Variants in SMAP2 observed in about 807,000 individuals in gnomAD.
The protein encoded by SMAP2 is stromal membrane-associated protein 2.
SMAP2 carries 25 observed loss-of-function variants against 56.4 expected under a neutral mutation model. The observed-to-expected ratio is 0.44, with a 90% CI of 0.32 to 0.62. The LOEUF (loss-of-function observed/expected upper bound fraction) is 0.62. Among genes scored for constraint, SMAP2 ranks in the 20% least tolerant of loss-of-function variants. The pLI is 0.04. For synonymous variants in SMAP2, 157 were observed against 181.7 expected, an observed-to-expected ratio of 0.86 and a Z score of 1.09; for missense variants, 388 against 545.6, an observed-to-expected ratio of 0.71 and a Z score of 2.88.
At chr1:40,351,176 T>C (rs559069720) in intron 1 of SMAP2, among the ~76,000 whole-genome samples, 2 of 152,304 alleles carry the variant, frequency 1.3e-5, no homozygotes, top group South Asian at 2.1e-4. Flanking sequence ...TTCACAGATG[T>C]CCTACTCCCT....
chr1:40,374,132 G>C lies in SMAP2; in HGVS notation c.12G>C (p.Lys4Asn). 6.2e-7 allele frequency: 1 copy of C among 1,613,088 alleles called. No homozygotes were observed. Among genetic ancestry groups the C allele is most frequent in the Non-Finnish European group, 8.5e-7 (1 of 1,179,568 alleles). ...CCGGCACCCTGGCCATGACAGGCAA[G>C]TCGGTGAAGGACGTGGATCGGTACC... MTGKSVKDVDRYQA... is the reference protein window; with the variant it reads MTGNSVKDVDRYQA... Residue 4 changes from lysine (K) to asparagine (N), a missense_variant, in exon 1 of 10, where the codon AAG becomes AAC. Physicochemically the swap from Lys to Asn is moderately conservative, Grantham distance 94 (BLOSUM62 0). Coordinates refer to ENST00000372718, the MANE Select transcript of SMAP2 (RefSeq NM_022733.3). The surrounding 1 kb of genome is among the most constrained non-coding windows in gnomAD (Gnocchi z 5.9).
At chr1:40,393,299 A>G in intron 1 of SMAP2, 2 of 1,506,976 alleles carry the variant, frequency 1.3e-6, no homozygotes, top group Admixed American at 4.3e-5. Flanking sequence ...AAAGCAACAA[A>G]CCCTATCTTA....
chr1:40,348,460 C>T (rs1033593312), intron 1 of SMAP2, among the ~76,000 whole-genome samples: 1 of 152,036 alleles, frequency 6.6e-6, no homozygotes, highest in East Asian at 1.9e-4. Flanking sequence ...TTTGGGAGGC[C>T]GAGGTGGGTG....
In SMAP2 at chr1:40,416,365, C is replaced by T. The variant is rs1569924112; in HGVS notation, c.847+24C>T. On this transcript the variant is annotated intron_variant, in intron 8 of 9. Transcript: ENST00000372718. ...AGGTAGATTTCATGGGTGTCATGGC[C>T]ATGTGCCAGGTAGAGACATGAGGGC... The T allele has an allele frequency of 3.7e-6, 6 of 1,606,176 alleles. No homozygotes were observed. The East Asian group carries it at 1.3e-4, about 36-fold the overall frequency.
intron 1 of SMAP2, among the ~76,000 whole-genome samples, chr1:40,399,363 T>C (rs1257581239): frequency 1.5e-5 from 2 of 134,640 alleles, no homozygotes; most frequent in African/African-American, 2.8e-5. Context: ...TTTCACCATG[T>C]TGGCCAGGCT....
Position 40,419,280 on chromosome 1 carries a change from CTTT to C in SMAP2, c.1164+2200_1164+2202del, listed in dbSNP as rs35237067. Among the ~76,000 whole-genome samples, 141 of 121,822 alleles carry C rather than the reference CTTT, an allele frequency of 1.2e-3. 1 individual carries two copies. The highest frequency in any genetic ancestry group is 3.6e-3 in the African/African-American group (119 of 32,992). The allele number at this position is 121,822 out of a possible 152,430, so 79.9% of individuals were successfully genotyped here. The stretch of plus-strand genomic sequence containing the variant: ...AATACCAAGATAATTTTCTTCCTTT[CTTT>C]TTTTTTTTTTTTTTTGAGACAAAGT... On this transcript the variant is annotated intron_variant, in intron 9 of 9. Transcript: ENST00000372718.
Position 40,416,763 on chromosome 1 carries a change from G to A in SMAP2, c.848-17G>A. The A allele has an allele frequency of 1.3e-6, 2 of 1,589,498 alleles. No homozygotes were observed. The highest frequency in any genetic ancestry group is 1.7e-6 in the Non-Finnish European group (2 of 1,161,224). ...TTTTCCCTCTTTAACCAACCTGTAT[G>A]TGTGTTTTCTTGGCAGCAATGTTCA... On this transcript the variant is annotated splice_polypyrimidine_tract_variant and intron_variant, in intron 8 of 9. Transcript: ENST00000372718.
intron 1 of SMAP2, among the ~76,000 whole-genome samples, chr1:40,355,120 C>G (rs1035863796): frequency 2.0e-5 from 3 of 151,960 alleles, no homozygotes; most frequent in Non-Finnish European, 4.4e-5. Flanking sequence ...ACAGATCACC[C>G]TTATGCTGAT....
chr1:40,381,804 C>T (rs1644602557), intron 1 of SMAP2, among the ~76,000 whole-genome samples: 1 of 152,140 alleles, frequency 6.6e-6, no homozygotes, highest in Non-Finnish European at 1.5e-5. Context: ...GCTTCCTGAT[C>T]GCTGAATAGT....
At chr1:40,417,828 C>T (rs974564627) in intron 9 of SMAP2, among the ~76,000 whole-genome samples, 3 of 152,040 alleles carry the variant, frequency 2.0e-5, no homozygotes, top group Non-Finnish European at 4.4e-5. Flanking sequence ...CACCTTCTTC[C>T]CTCTTCCAAA....
At position 40,380,654 on chromosome 1, in the gene SMAP2, C is replaced by G. The variant is rs747420671; in HGVS notation, c.103+6431C>G. On this transcript the variant is annotated intron_variant, in intron 1 of 9. Coordinates refer to ENST00000372718, the MANE Select transcript of SMAP2 (RefSeq NM_022733.3). Reference sequence around the variant, plus strand: ...AAGCCATTCTCCTGCCTCAGCCTCCCGAGTGGCTGGGATTAGAGACGCCTG... The same window carrying G: ...AAGCCATTCTCCTGCCTCAGCCTCCGGAGTGGCTGGGATTAGAGACGCCTG... 2.0e-5 allele frequency among the ~76,000 whole-genome samples: 3 copies of G among 151,692 alleles called. No individual in the cohort carries two copies. The South Asian group carries it at 6.2e-4, about 32-fold the overall frequency.
chr1:40,379,421 C>T (rs116745647), intron 1 of SMAP2, among the ~76,000 whole-genome samples: 74 of 152,246 alleles, frequency 4.9e-4, no homozygotes, highest in African/African-American at 1.7e-3. Flanking sequence ...ATCAACAGAA[C>T]ATGGAGAGCA....
In SMAP2 at chr1:40,408,575, G is replaced by A. The variant is rs1644906750; in HGVS notation, c.238-78G>A. The stretch of plus-strand genomic sequence containing the variant: ...TCTAGGTTGGTTCTTCAATTGTACA[G>A]TAGTGGAATTGGGTGAGAAGTTTTT... On this transcript the variant is annotated intron_variant, in intron 2 of 9. Coordinates refer to ENST00000372718, the MANE Select transcript of SMAP2 (RefSeq NM_022733.3). The surrounding 1 kb of genome is among the most constrained non-coding windows in gnomAD (Gnocchi z 4.3). The A allele has an allele frequency of 8.2e-7, 1 of 1,215,058 alleles. No homozygotes were observed. Among genetic ancestry groups the A allele is most frequent in the African/African-American group, 1.5e-5 (1 of 66,936 alleles). The allele number at this position is 1,215,058 out of a possible 1,614,324, so 75.3% of individuals were successfully genotyped here. A position where few individuals can be genotyped will look rare whatever the true frequency, so the allele number is the denominator to read the frequency against.
chr1:40,359,928 T>C (rs209587), intron 1 of SMAP2, among the ~76,000 whole-genome samples: 27,012 of 151,728 alleles, frequency 0.18, 3,346 homozygotes, highest in African/African-American at 0.35. Flanking sequence ...AATCACAGTA[T>C]CTGGTTTTAA....
rs754479305 is a variant in SMAP2, at chr1:40,408,686, C to T, written c.271C>T (p.Arg91Ter). 2 of 1,613,792 alleles carry T rather than the reference C, an allele frequency of 1.2e-6. No homozygotes were observed. The highest frequency in any genetic ancestry group is 8.5e-7 in the Non-Finnish European group (1 of 1,179,860). Reference protein sequence around the residue: ...MQEMGNGKANRLYEAYLPETF... With the variant: ...MQEMGNGKAN The stretch of plus-strand genomic sequence containing the variant: ...AGAGATGGGAAATGGAAAGGCAAAC[C>T]GACTTTATGAAGCCTATCTTCCTGA... The change falls in exon 3 of 10, where the codon CGA becomes TGA. Residue 91 changes from arginine (R) to a stop codon, truncating the protein, a stop_gained. Coordinates refer to ENST00000372718, the MANE Select transcript of SMAP2 (RefSeq NM_022733.3). LOFTEE classifies it high-confidence loss of function. The surrounding 1 kb of genome is among the most constrained non-coding windows in gnomAD (Gnocchi z 4.3).
chr1:40,374,928 A>G lies in SMAP2; in HGVS notation c.103+705A>G, dbSNP rs1644528269. The G allele has an allele frequency of 2.0e-6, 2 of 985,292 alleles. No homozygotes were observed. The highest frequency in any genetic ancestry group is 1.2e-6 in the Non-Finnish European group (1 of 829,940). The allele number at this position is 985,292 out of a possible 1,614,324, so 61.0% of individuals were successfully genotyped here. A position where few individuals can be genotyped will look rare whatever the true frequency, so the allele number is the denominator to read the frequency against. The stretch of plus-strand genomic sequence containing the variant: ...GAGTGGTGGCAGAAACTAGCCGATT[A>G]TGCCTGTAGTGCAGGATCCGTTTAA... On this transcript the variant is annotated intron_variant, in intron 1 of 9. Transcript: ENST00000372718. The surrounding 1 kb of genome is among the most constrained non-coding windows in gnomAD (Gnocchi z 5.9).
At chr1:40,388,386 T>A (rs1644682513) in intron 1 of SMAP2, among the ~76,000 whole-genome samples, 1 of 152,206 alleles carries the variant, frequency 6.6e-6, no homozygotes, top group South Asian at 2.1e-4. Flanking sequence ...CGGCACTCTG[T>A]ATCTAGCTCA....
intron 1 of SMAP2, among the ~76,000 whole-genome samples, chr1:40,378,742 A>C (rs1644565762): frequency 6.6e-6 from 1 of 152,198 alleles, no homozygotes; most frequent in African/African-American, 2.4e-5. Context: ...CTTCTGCTAC[A>C]TCCTATCTCT....
At chr1:40,387,984 C>T (rs1335118330) in intron 1 of SMAP2, among the ~76,000 whole-genome samples, 1 of 152,162 alleles carries the variant, frequency 6.6e-6, no homozygotes, top group Non-Finnish European at 1.5e-5. Flanking sequence ...CAATGAGGGG[C>T]TTAGCACCTG....
Sources: allele counts gnomAD v4.1 joint callset (sites outside exome capture counted in the v4.1 genomes callset), GRCh38; gene constraint gnomAD v4.1.1; non-coding constraint Gnocchi (gnomAD v3.1); transcripts MANE v1.5; gene names NCBI Gene and HGNC (gene_info 2026-07-23, HGNC 2026-07-21).